Variants in RANBP17 observed in about 807,000 individuals in gnomAD.
RANBP17 encodes the protein RAN binding protein 17, also known as ran-binding protein 17.
A neutral mutation model predicts 141.2 loss-of-function variants in RANBP17; 158 were observed. The ratio of observed to expected loss-of-function variants is 1.12; its 90% CI spans 0.98 to 1.28. The LOEUF is 1.28. Ranked by LOEUF, RANBP17 falls within the 50% of genes most tolerant of loss-of-function variation. The pLI is 0.00. For missense variants in RANBP17, 1,438 were observed against 1,290.7 expected (o/e 1.11, Z -1.75); for synonymous variants, 430 against 450.0 (o/e 0.96, Z 0.56).
At chr5:171,163,791 A>T (rs568805824) in intron 14 of RANBP17, among the ~76,000 whole-genome samples, 5 of 152,168 alleles carry the variant, frequency 3.3e-5, no homozygotes, top group Admixed American at 3.3e-4. Context: ...ATTACCTGAT[A>T]TGTTTTTGAG....
At chr5:170,869,123 A>G (rs1449734257) in intron 1 of RANBP17, among the ~76,000 whole-genome samples, 4 of 152,036 alleles carry the variant, frequency 2.6e-5, no homozygotes, top group Non-Finnish European at 5.9e-5. Flanking sequence ...ATATCTTTGG[A>G]AAAAAAGAGT....
rs762552231 is a variant in RANBP17, at chr5:170,914,161, T to C, written c.761-6T>C. 1.5e-5 allele frequency: 24 copies of C among 1,586,972 alleles called. No individual in the cohort carries two copies. In the East Asian group the frequency reaches 4.0e-4, roughly 27 times the overall value. ...AATGGTGTTAGAAAATAATTTTTTT[T>C]CCCAGTTTTCCTGGAACCAGAAACA... On this transcript the variant is annotated splice_polypyrimidine_tract_variant and splice_region_variant and intron_variant, in intron 7 of 27. Coordinates refer to ENST00000523189, the MANE Select transcript of RANBP17 (RefSeq NM_022897.5).
chr5:170,991,532 C>G (rs1303632283), intron 14 of RANBP17, among the ~76,000 whole-genome samples: 1 of 151,906 alleles, frequency 6.6e-6, no homozygotes, highest in African/African-American at 2.4e-5. Flanking sequence ...TATCAACAAT[C>G]CAGTTAAGAA....
intron 14 of RANBP17, among the ~76,000 whole-genome samples, chr5:171,150,826 G>A (rs772694280): frequency 1.3e-5 from 2 of 152,184 alleles, no homozygotes; most frequent in Non-Finnish European, 2.9e-5. Context: ...AGTTAGAAGT[G>A]AACACACTTC....
chr5:171,020,666 G>C (rs1325210600), intron 14 of RANBP17, among the ~76,000 whole-genome samples: 1 of 151,020 alleles, frequency 6.6e-6, no homozygotes, highest in Non-Finnish European at 1.5e-5. Flanking sequence ...GCCTATGTGT[G>C]TCTTTGCATG....
chr5:170,981,024 A>T (rs1314728305), intron 14 of RANBP17, among the ~76,000 whole-genome samples: 4 of 152,354 alleles, frequency 2.6e-5, no homozygotes, highest in Admixed American at 6.5e-5. Flanking sequence ...GATGTGAGAC[A>T]TGGAGGCAAA....
chr5:170,946,179 G>A (rs1286506900), intron 12 of RANBP17, among the ~76,000 whole-genome samples: 1 of 152,108 alleles, frequency 6.6e-6, no homozygotes, highest in Non-Finnish European at 1.5e-5. Context: ...CTAGTGCAGA[G>A]TAACTACTAT....
chr5:171,177,655 C>T (rs1285422634), intron 16 of RANBP17, among the ~76,000 whole-genome samples: 3 of 152,190 alleles, frequency 2.0e-5, no homozygotes, highest in Non-Finnish European at 4.4e-5. Context: ...TTAGTAAAGC[C>T]ATCATGAAAT....
At chr5:171,045,327 T>G (rs1257892456) in intron 14 of RANBP17, among the ~76,000 whole-genome samples, 2 of 152,106 alleles carry the variant, frequency 1.3e-5, no homozygotes, top group East Asian at 3.8e-4. Flanking sequence ...ATGAGAAGAA[T>G]GAACAGATTT....
intron 5 of RANBP17, among the ~76,000 whole-genome samples, chr5:170,899,432 A>AT (rs1430135008): frequency 1.2e-4 from 19 of 152,208 alleles, no homozygotes; most frequent in African/African-American, 4.3e-4. Context: ...AGATAATGGT[A>AT]TTTTCTAAAT....
intron 14 of RANBP17, among the ~76,000 whole-genome samples, chr5:171,019,123 G>A (rs1031379699): frequency 2.0e-5 from 3 of 152,152 alleles, no homozygotes; most frequent in African/African-American, 7.2e-5. Context: ...GATCGTGGTG[G>A]ATAAGTTTTT....
rs992109046 is a variant in RANBP17 at position 171,257,896 on chromosome 5, G to A, written c.2777-7785G>A. Among the ~76,000 whole-genome samples the A allele has an allele frequency of 2.7e-4, 41 of 151,678 alleles. 1 individual carries two copies. The highest frequency in any genetic ancestry group is 5.3e-4 in the Non-Finnish European group (36 of 67,898). On this transcript the variant is annotated intron_variant, in intron 24 of 27. Transcript: ENST00000523189. The stretch of plus-strand genomic sequence containing the variant: ...TGAGGTGGGCGGATCACCTGAGGTC[G>A]GGAGTTCAAGACCAGCCTGACCAAC...
At chr5:171,156,096 A>G (rs1758875676) in intron 14 of RANBP17, among the ~76,000 whole-genome samples, 1 of 152,138 alleles carries the variant, frequency 6.6e-6, no homozygotes, top group African/African-American at 2.4e-5. Flanking sequence ...TGTGAAGATA[A>G]TATTCTTTCA....
chr5:171,106,172 A>C (rs531023637), intron 14 of RANBP17, among the ~76,000 whole-genome samples: 1 of 152,204 alleles, frequency 6.6e-6, no homozygotes, highest in Admixed American at 6.5e-5. Context: ...GACTGACAAA[A>C]AACAGTACTG....
chr5:171,022,209 A>G (rs894858599), intron 14 of RANBP17, among the ~76,000 whole-genome samples: 1 of 152,156 alleles, frequency 6.6e-6, no homozygotes, highest in African/African-American at 2.4e-5. Flanking sequence ...CGCCAACCTG[A>G]TGCCCGTAGG....
rs376958741 is a variant in RANBP17, at chr5:171,264,549, A to G, written c.2777-1132A>G. 1.3e-3 allele frequency among the ~76,000 whole-genome samples: 200 copies of G among 152,306 alleles called. 9 individuals carry two copies. In the South Asian group the frequency reaches 0.04, roughly 31 times the overall value. On this transcript the variant is annotated intron_variant, in intron 24 of 27. Transcript: ENST00000523189. ...TCAGTGTCCTCACCTGTAAATGGAG[A>G]TAATAACAGTAACTATTATAGTGCT...
At chr5:170,910,276 A>G (rs941522243) in intron 6 of RANBP17, 1 of 153,336 alleles carries the variant, frequency 6.5e-6, no homozygotes, top group Admixed American at 6.5e-5. Flanking sequence ...ATTCTCTTGT[A>G]TAATATAGGG....
intron 14 of RANBP17, among the ~76,000 whole-genome samples, chr5:171,102,423 G>A (rs970712831): frequency 2.6e-5 from 4 of 151,660 alleles, no homozygotes; most frequent in Non-Finnish European, 4.4e-5. Flanking sequence ...AACTTCTCGT[G>A]CTGTTTTTTT....
intron 14 of RANBP17, among the ~76,000 whole-genome samples, chr5:171,038,548 G>C (rs1360803208): frequency 6.6e-6 from 1 of 152,026 alleles, no homozygotes. Flanking sequence ...AATGCTTCCA[G>C]CTTTTGCCCA....
Sources: gnomAD v4.1 joint callset for allele counts (sites outside exome capture counted in the v4.1 genomes callset) on GRCh38, gnomAD v4.1.1 for gene constraint, MANE v1.5 for transcripts, NCBI Gene and HGNC (gene_info 2026-07-23, HGNC 2026-07-21) for gene names.